APBA2: variants seen among roughly 807,000 people sequenced by gnomAD.
APBA2 encodes the protein amyloid beta precursor protein binding family A member 2.
APBA2 carries 30 observed loss-of-function variants against 75.0 expected under a neutral mutation model. That is an observed-to-expected ratio of 0.40 (90% CI 0.30 to 0.54). The LOEUF is 0.54. APBA2 is among the 20% of genes least tolerant of loss of function. The pLI is 0.49. For synonymous variants in APBA2, 444 were observed against 409.6 expected (o/e 1.08, Z -1.01); for missense variants, 801 against 1,016.1 (o/e 0.79, Z 2.88).
At chr15:28,966,513 A>T (rs1406618512) in intron 2 of APBA2, among the ~76,000 whole-genome samples, 1 of 151,920 alleles carries the variant, frequency 6.6e-6, no homozygotes, top group South Asian at 2.1e-4. Context: ...TTGCTTTCTC[A>T]TGATTAGTGT....
intron 3 of APBA2, among the ~76,000 whole-genome samples, chr15:29,038,665 ATTTTT>A (rs67217686): frequency 1.9e-5 from 2 of 105,448 alleles, no homozygotes; most frequent in African/African-American, 7.4e-5. Flanking sequence ...ATATGCAGGC[ATTTTT>A]TTTTTTTTTT....
At position 28,909,143 on chromosome 15, in the gene APBA2, T is replaced by C. The variant is rs557062128; in HGVS notation, c.-204-12497T>C. On this transcript the variant is annotated intron_variant, in intron 1 of 14. Transcript: ENST00000683413. ...CTGGGGCTACAGGCGCCCGCCACCA[T>C]GCCTGGCTAATTTTTTTTTTGTATT... 1.3e-3 allele frequency among the ~76,000 whole-genome samples: 192 copies of C among 152,146 alleles called. 1 individual carries two copies. Among genetic ancestry groups the C allele is most frequent in the African/African-American group, 4.3e-3 (179 of 41,504 alleles).
intron 4 of APBA2, among the ~76,000 whole-genome samples, chr15:29,067,916 G>A (rs1369435075): frequency 6.6e-6 from 1 of 152,050 alleles, no homozygotes; most frequent in Non-Finnish European, 1.5e-5. Flanking sequence ...CTGGAACTGT[G>A]GACTCCTCGT....
At chr15:29,039,891 AC>A (rs1315205769) in intron 3 of APBA2, among the ~76,000 whole-genome samples, 1 of 152,044 alleles carries the variant, frequency 6.6e-6, no homozygotes, top group Non-Finnish European at 1.5e-5. Flanking sequence ...ATGAAAAGCA[AC>A]CCCATCGGGA....
chr15:28,963,815 G>A (rs2036596352), intron 2 of APBA2, among the ~76,000 whole-genome samples: 1 of 152,188 alleles, frequency 6.6e-6, no homozygotes, highest in South Asian at 2.1e-4. Context: ...CATAACGATA[G>A]TACAATAGTC....
At chr15:28,897,872 C>T (rs2152623902) in intron 1 of APBA2, among the ~76,000 whole-genome samples, 1 of 152,178 alleles carries the variant, frequency 6.6e-6, no homozygotes. Context: ...ATCCCTGAAA[C>T]CTGTGAATGT....
At chr15:28,899,214 G>C (rs1305599475) in intron 1 of APBA2, among the ~76,000 whole-genome samples, 1 of 152,182 alleles carries the variant, frequency 6.6e-6, no homozygotes, top group South Asian at 2.1e-4. Context: ...GCCTCCCCAG[G>C]CAAGGGCCCA....
intron 3 of APBA2, among the ~76,000 whole-genome samples, chr15:29,023,722 CT>C (rs11320073): frequency 0.36 from 54,599 of 151,166 alleles, 16,078 homozygotes; most frequent in African/African-American, 0.79. Flanking sequence ...TCCCAAAGTG[CT>C]GGGATTATAG....
intron 3 of APBA2, among the ~76,000 whole-genome samples, chr15:29,035,499 G>C (rs1266919068): frequency 1.3e-5 from 2 of 152,124 alleles, no homozygotes; most frequent in Non-Finnish European, 2.9e-5. Flanking sequence ...TTCAGTGAGG[G>C]TGGAATTAGG....
chr15:28,935,500 G>T (rs2034810980), intron 2 of APBA2, among the ~76,000 whole-genome samples: 1 of 152,226 alleles, frequency 6.6e-6, no homozygotes, highest in South Asian at 2.1e-4. Context: ...GGCTGTCAGG[G>T]CGTAGGACGC....
At chr15:29,090,839 G>A (rs1271145574) in intron 6 of APBA2, among the ~76,000 whole-genome samples, 6 of 152,126 alleles carry the variant, frequency 3.9e-5, no homozygotes, top group Non-Finnish European at 5.9e-5. Flanking sequence ...TACCTCAGGC[G>A]CTGGGAGCCT....
chr15:28,913,080 A>G (rs2033506695), intron 1 of APBA2, among the ~76,000 whole-genome samples: 1 of 152,226 alleles, frequency 6.6e-6, no homozygotes, highest in Admixed American at 6.5e-5. Flanking sequence ...ATAAAGCAGC[A>G]TGTGTCTGCA....
chr15:28,891,497 A>G (rs1271530499), intron 1 of APBA2, among the ~76,000 whole-genome samples: 2 of 152,216 alleles, frequency 1.3e-5, no homozygotes, highest in African/African-American at 4.8e-5. Context: ...GGCTGGCATC[A>G]GAGAGTCATG....
chr15:28,974,804 A>T (rs918570810), intron 2 of APBA2, among the ~76,000 whole-genome samples: 1 of 152,208 alleles, frequency 6.6e-6, no homozygotes, highest in African/African-American at 2.4e-5. Context: ...TCAGAAATGA[A>T]ACCAAACGAA....
At chr15:29,003,458 C>T (rs528064316) in intron 3 of APBA2, among the ~76,000 whole-genome samples, 2 of 152,192 alleles carry the variant, frequency 1.3e-5, no homozygotes, top group African/African-American at 4.8e-5. Flanking sequence ...AGGAAAGAGG[C>T]TCAGAGTAGT....
At chr15:28,960,834 G>A (rs566417037) in intron 2 of APBA2, among the ~76,000 whole-genome samples, 1 of 149,962 alleles carries the variant, frequency 6.7e-6, no homozygotes, top group South Asian at 2.1e-4. Context: ...ATCTCGGCTC[G>A]CCGCAACCTC....
At chr15:28,975,909 CT>C (rs1439983125) in intron 2 of APBA2, among the ~76,000 whole-genome samples, 2 of 152,206 alleles carry the variant, frequency 1.3e-5, no homozygotes, top group South Asian at 2.1e-4. Context: ...TGCTCCACCC[CT>C]GGAGGAAACA....
chr15:28,983,312 C>A (rs1327552890), intron 2 of APBA2, among the ~76,000 whole-genome samples: 2 of 152,138 alleles, frequency 1.3e-5, no homozygotes, highest in Non-Finnish European at 2.9e-5. Context: ...AAATTCATTT[C>A]CTTGCCTTCA....
chr15:28,930,186 G>A (rs1197918048), intron 2 of APBA2, among the ~76,000 whole-genome samples: 5 of 152,156 alleles, frequency 3.3e-5, no homozygotes, highest in Middle Eastern at 3.2e-3. Flanking sequence ...GGGCTGCATT[G>A]TGGTGGTCCC....
Sources: allele counts gnomAD v4.1 joint callset (sites outside exome capture counted in the v4.1 genomes callset), GRCh38; gene constraint gnomAD v4.1.1; transcripts MANE v1.5; gene names NCBI Gene and HGNC (gene_info 2026-07-23, HGNC 2026-07-21).